Variants in SUN1 observed in about 807,000 individuals in gnomAD.
SUN1 encodes Sad1 and UNC84 domain containing 1.
Under a neutral mutation model 103.2 loss-of-function variants are expected in SUN1, and 61 were observed. That is an observed-to-expected ratio of 0.59 (90% CI 0.48 to 0.73). The LOEUF (loss-of-function observed/expected upper bound fraction) is 0.73. Among genes scored for constraint, SUN1 ranks in the 30% least tolerant of loss-of-function variants. SUN1 has a pLI of 0.00. For missense variants in SUN1, 1,052 were observed against 1,034.6 expected (o/e 1.02, Z -0.23); for synonymous variants, 490 against 425.7 (o/e 1.15, Z -1.86).
upstream of SUN1, among the ~76,000 whole-genome samples, chr7:829,700 G>T (rs566694730): frequency 1.3e-5 from 2 of 151,802 alleles, no homozygotes; most frequent in Non-Finnish European, 2.9e-5. Context: ...GACTACAGGC[G>T]CCCGCCACCA....
chr7:839,198 G>C, intron 2 of SUN1: 1 of 472,248 alleles, frequency 2.1e-6, no homozygotes, highest in South Asian at 5.5e-5. Flanking sequence ...GGCTTGTCTA[G>C]TATTGATGTT....
chr7:845,661 C>G (rs1814849664), intron 5 of SUN1, among the ~76,000 whole-genome samples: 1 of 152,048 alleles, frequency 6.6e-6, no homozygotes, highest in South Asian at 2.1e-4. Context: ...TAAATTGTCC[C>G]TCCACATTTT....
At chr7:864,589 C>G (rs1834891169) in intron 15 of SUN1, among the ~76,000 whole-genome samples, 1 of 148,360 alleles carries the variant, frequency 6.7e-6, no homozygotes, top group Admixed American at 6.7e-5. Context: ...ATGAAGTTCA[C>G]TACAGTCACC....
rs541972538 is a variant in SUN1, at chr7:862,090, C to T, written c.1864+626C>T. Among the ~76,000 whole-genome samples, 6 of 152,328 alleles carry T rather than the reference C, an allele frequency of 3.9e-5. No individual in the cohort carries two copies. In the East Asian group the frequency reaches 7.7e-4, roughly 20 times the overall value. ...CAGACACGAGCATTTCCGAAAGAAC[C>T]GTGAGAGGAGAGCTAGACCTGCTTC... is the stretch of plus-strand genomic sequence containing the variant. On this transcript the variant is annotated intron_variant, in intron 15 of 18. Coordinates refer to ENST00000401592, the MANE Select transcript of SUN1 (RefSeq NM_001130965.3).
chr7:870,887 C>CTTTTTTTTTTTTTT (rs59711259), intron 17 of SUN1, among the ~76,000 whole-genome samples: 9 of 101,070 alleles, frequency 8.9e-5, no homozygotes, highest in South Asian at 3.5e-4. Context: ...TATTTTCTTT[C>CTTTTTTTTTTTTTT]TTTTTTTTTT....
At chr7:840,180 C>G (rs1300094328) in intron 2 of SUN1, among the ~76,000 whole-genome samples, 3 of 152,214 alleles carry the variant, frequency 2.0e-5, no homozygotes, top group Non-Finnish European at 4.4e-5. Flanking sequence ...ACAGCCACTC[C>G]CAGCCGGTGG....
chr7:821,386 T>C (rs1299148287), intron 1 of SUN1, among the ~76,000 whole-genome samples: 2 of 152,094 alleles, frequency 1.3e-5, no homozygotes, highest in Admixed American at 6.6e-5. Flanking sequence ...GTCAGGCTGA[T>C]CTTGATCTCT....
Position 873,383 on chromosome 7 carries a change from A to G in SUN1, c.*52A>G, listed in dbSNP as rs767095279. ...TTTTGTATATACTGGGACAGCGTGA[A>G]ACACTGGAATCCTTCATGGACGAGG... On this transcript the variant is annotated 3_prime_UTR_variant, in exon 19 of 19. Transcript: ENST00000401592. 6.8e-7 allele frequency: 1 copy of G among 1,480,510 alleles called. No homozygotes were observed. Among genetic ancestry groups the G allele is most frequent in the East Asian group, 2.3e-5 (1 of 44,158 alleles). 91.7% of individuals were successfully genotyped at this position (1,480,510 alleles called of 1,614,324 possible).
intron 1 of SUN1, among the ~76,000 whole-genome samples, chr7:834,096 T>G (rs1800550312): frequency 6.6e-6 from 1 of 150,896 alleles, no homozygotes; most frequent in Non-Finnish European, 1.5e-5. Flanking sequence ...GAATTTAGAC[T>G]CTTGGTGGGC....
Position 825,959 on chromosome 7 carries a change from C to T in SUN1, c.-74+9286C>T, listed in dbSNP as rs142378676. ...TTTACAGTGGACTTAAGAAACAAAC[C>T]GGGCTGGGCATGGTAGCTCACACGT... On this transcript the variant is annotated intron_variant, in intron 1 of 17. Transcript: ENST00000389574. Among the ~76,000 whole-genome samples, 845 of 151,860 alleles carry T rather than the reference C, an allele frequency of 5.6e-3. 3 individuals carry two copies. The highest frequency in any genetic ancestry group is 8.9e-3 in the Non-Finnish European group (602 of 67,974).
chr7:853,046 G>T (rs1823755038), intron 9 of SUN1, 94 bp downstream of exon 9: 7 of 1,462,438 alleles, frequency 4.8e-6, no homozygotes, highest in Non-Finnish European at 4.5e-6. Context: ...TCAGTTGGGT[G>T]TCCTGTTGTA....
intron 5 of SUN1, chr7:848,566 A>C (rs752039771): frequency 1.5e-6 from 2 of 1,354,542 alleles, no homozygotes; most frequent in African/African-American, 3.0e-5. Context: ...CTCATGAATC[A>C]AAAGATTGTG....
intron 9 of SUN1, chr7:853,208 T>C: frequency 1.3e-6 from 1 of 747,518 alleles, no homozygotes; most frequent in Non-Finnish European, 2.1e-6. Flanking sequence ...GTACAGAAAG[T>C]ATAGAGAAGA....
At chr7:864,089 A>AT (rs1431323839) in intron 15 of SUN1, among the ~76,000 whole-genome samples, 1 of 152,216 alleles carries the variant, frequency 6.6e-6, no homozygotes, top group Non-Finnish European at 1.5e-5. Context: ...TTAACTAATT[A>AT]TCTATTTTTT....
upstream of SUN1, among the ~76,000 whole-genome samples, chr7:830,463 C>T (rs920776284): frequency 6.6e-6 from 1 of 152,182 alleles, no homozygotes; most frequent in Non-Finnish European, 1.5e-5. Flanking sequence ...ATGATAGATT[C>T]CGCATATTTT....
intron 13 of SUN1, 45 bp from the exon 14 acceptor site, chr7:860,083 A>C (rs777899957): frequency 6.2e-7 from 1 of 1,602,382 alleles, no homozygotes; most frequent in East Asian, 2.2e-5. Flanking sequence ...AGTGGAAGTG[A>C]TTTAGTTAAA....
At position 873,371 on chromosome 7, in the gene SUN1, G is replaced by A; in HGVS notation, c.*40G>A. 6.4e-7 allele frequency: 1 copy of A among 1,551,348 alleles called. No homozygotes were observed. Among genetic ancestry groups the A allele is most frequent in the South Asian group, 1.1e-5 (1 of 89,734 alleles). ...ATTTTTGTACATTTTTGTATATACTGGGACAGCGTGAAACACTGGAATCCT... is the reference window on the plus strand; with the variant it reads ...ATTTTTGTACATTTTTGTATATACTAGGACAGCGTGAAACACTGGAATCCT... On this transcript the variant is annotated 3_prime_UTR_variant, in exon 19 of 19. Coordinates refer to ENST00000401592, the MANE Select transcript of SUN1 (RefSeq NM_001130965.3).
chr7:867,436 C>G (rs1562821953), intron 16 of SUN1, among the ~76,000 whole-genome samples: 1 of 152,256 alleles, frequency 6.6e-6, no homozygotes, highest in Non-Finnish European at 1.5e-5. Flanking sequence ...GCCATAACAT[C>G]CTTCTCACAG....
chr7:832,768 T>TA (rs893680046), intron 1 of SUN1, among the ~76,000 whole-genome samples, 167 bp downstream of exon 1: 3 of 152,240 alleles, frequency 2.0e-5, no homozygotes, highest in Non-Finnish European at 2.9e-5. Flanking sequence ...GGTTTTTTCT[T>TA]ACGGCTTTAA....
Sources: allele counts gnomAD v4.1 joint callset (sites outside exome capture counted in the v4.1 genomes callset), GRCh38; gene constraint gnomAD v4.1.1; transcripts MANE v1.5; gene names NCBI Gene and HGNC (gene_info 2026-07-23, HGNC 2026-07-21).